IL20: variants seen among roughly 807,000 people sequenced by gnomAD.
IL20 encodes interleukin-20.
A neutral mutation model predicts 19.2 loss-of-function variants in IL20; 22 were observed. The ratio of observed to expected loss-of-function variants is 1.15; its 90% CI spans 0.82 to 1.64. IL20 has a LOEUF of 1.64. IL20 is among the 40% of genes most tolerant of loss of function. The probability of loss-of-function intolerance (pLI) is 0.00; values close to 1 mark genes in which losing one functional copy is unlikely to be tolerated. For synonymous variants in IL20, 70 were observed against 76.2 expected (o/e 0.92, Z 0.43); for missense variants, 215 against 212.8 (o/e 1.01, Z -0.06).
At chr1:206,865,554 C>T (rs1228314437), upstream of IL20, 10 of 1,170,272 alleles carry the variant, frequency 8.5e-6, no homozygotes, top group Non-Finnish European at 1.1e-5. This position sits in a 1 kb window ranked among gnomAD's most constrained non-coding sequence, Gnocchi z 4.1. Flanking sequence ...CAGGCCTTAC[C>T]TGCTGGGCAC....
At chr1:206,864,560 C>T (rs1677495291), upstream of IL20, among the ~76,000 whole-genome samples, 2 of 151,696 alleles carry the variant, frequency 1.3e-5, no homozygotes, top group African/African-American at 4.8e-5. Context: ...TATTTCTGCC[C>T]CAAACAAAAT....
upstream of IL20, among the ~76,000 whole-genome samples, chr1:206,864,392 T>C (rs1572587906): frequency 2.0e-5 from 3 of 152,132 alleles, no homozygotes; most frequent in African/African-American, 7.2e-5. Flanking sequence ...GCCATATATA[T>C]ATGGATGTGT....
At chr1:206,867,560 G>C (rs142812526) in intron 5 of IL20, 102 bp downstream of exon 5, 1 of 968,836 alleles carries the variant, frequency 1.0e-6, no homozygotes, top group Non-Finnish European at 1.6e-6. Flanking sequence ...GTAGCCTTCA[G>C]GTTCATAGCC....
intron 4 of IL20, 114 bp from the exon 5 acceptor site, chr1:206,867,270 G>T: frequency 1.2e-6 from 1 of 832,754 alleles, no homozygotes. Context: ...CTTTTCTATA[G>T]GAATAAGCAT....
rs1455594149 is a variant in IL20, at chr1:206,869,013, C to G, written c.*449C>G. The stretch of plus-strand genomic sequence containing the variant: ...TTGTATTCAACTAAGGACATATTTA[C>G]TCATGCTGATGCTCTGTGAGATATT... On this transcript the variant is annotated 3_prime_UTR_variant, in exon 6 of 6. Coordinates refer to ENST00000367098, the MANE Select transcript of IL20 (RefSeq NM_018724.4). 1 of 151,292 alleles carries G rather than the reference C, an allele frequency of 6.6e-6. No homozygotes were observed. The highest frequency in any genetic ancestry group is 2.1e-4 in the South Asian group (1 of 4,788). The allele number at this position is 151,292 out of a possible 1,614,324, so 9.4% of individuals were successfully genotyped here. A position where few individuals can be genotyped will look rare whatever the true frequency, so the allele number is the denominator to read the frequency against.
Position 206,865,738 on chromosome 1 carries a change from T to C in IL20, c.-31+52T>C, listed in dbSNP as rs1677525405. The C allele has an allele frequency of 8.7e-6, 13 of 1,486,914 alleles. No individual in the cohort carries two copies. The highest frequency in any genetic ancestry group is 4.6e-5 in the Admixed American group (2 of 43,326). 92.1% of individuals were successfully genotyped at this position (1,486,914 alleles called of 1,614,324 possible). A position where few individuals can be genotyped will look rare whatever the true frequency, so the allele number is the denominator to read the frequency against. On this transcript the variant is annotated intron_variant, in intron 1 of 5. Coordinates refer to ENST00000367098, the MANE Select transcript of IL20 (RefSeq NM_018724.4). This position sits in a 1 kb window ranked among gnomAD's most constrained non-coding sequence, Gnocchi z 4.1. ...TCTGAGGCCAGATAAGGCTGTTCTCTTCCCCTGACCCCCCACCCCTCACCC... is the reference window on the plus strand; with the variant it reads ...TCTGAGGCCAGATAAGGCTGTTCTCCTCCCCTGACCCCCCACCCCTCACCC...
Position 206,866,071 on chromosome 1 carries a change from C to A in IL20, c.159+60C>A. On this transcript the variant is annotated intron_variant, in intron 2 of 5. Transcript: ENST00000367098. ...TTTTCTCTTCCTTCCTTGTCCGTTT[C>A]TCTTTCCTGGCAGTACTGGCAGTGT... is the stretch of plus-strand genomic sequence containing the variant. The A allele has an allele frequency of 2.0e-6, 3 of 1,527,418 alleles. No individual in the cohort carries two copies. In the South Asian group the frequency reaches 3.4e-5, roughly 17 times the overall value. 94.6% of individuals were successfully genotyped at this position (1,527,418 alleles called of 1,614,324 possible).
In IL20 at chr1:206,865,887, C is replaced by T; in HGVS notation, c.35C>T (p.Ser12Phe). The T allele has an allele frequency of 6.2e-7, 1 of 1,614,114 alleles. No individual in the cohort carries two copies. Among genetic ancestry groups the T allele is most frequent in the Non-Finnish European group, 8.5e-7 (1 of 1,179,978 alleles). The change falls in exon 2 of 6, where the codon TCT (serine) becomes TTT (phenylalanine). Residue 12 changes from serine to phenylalanine, a missense_variant. Coordinates refer to ENST00000367098, the MANE Select transcript of IL20 (RefSeq NM_018724.4). This position sits in a 1 kb window ranked among gnomAD's most constrained non-coding sequence, Gnocchi z 4.1. ...TCTAGTCTTGCCTTCAGCCTTCTCTCTGCTGCGTTTTATCTCCTATGGACT... is the reference window on the plus strand; with the variant it reads ...TCTAGTCTTGCCTTCAGCCTTCTCTTTGCTGCGTTTTATCTCCTATGGACT... ...KASSLAFSLL[S>F]AAFYLLWTPS... is the part of the protein sequence containing the mutation.
chr1:206,869,014 T>C lies in IL20; in HGVS notation c.*450T>C, dbSNP rs1361847218. On this transcript the variant is annotated 3_prime_UTR_variant, in exon 6 of 6. Transcript: ENST00000367098. Reference sequence around the variant, plus strand: ...TGTATTCAACTAAGGACATATTTACTCATGCTGATGCTCTGTGAGATATTT... The same window carrying C: ...TGTATTCAACTAAGGACATATTTACCCATGCTGATGCTCTGTGAGATATTT... 2.6e-5 allele frequency: 4 copies of C among 152,138 alleles called. No individual in the cohort carries two copies. The highest frequency in any genetic ancestry group is 5.9e-5 in the Non-Finnish European group (4 of 68,018). 9.4% of individuals were successfully genotyped at this position (152,138 alleles called of 1,614,324 possible). A position where few individuals can be genotyped will look rare whatever the true frequency, so the allele number is the denominator to read the frequency against.
Position 206,866,348 on chromosome 1 carries a change from C to A in IL20, c.209C>A (p.Ser70Tyr). ...IDIRILRRTE[S>Y]LQDTKPANRC... ...ATCAGAATCTTAAGGAGGACTGAGT[C>A]TTTGCAAGACACAAAGGTATGTGCT... The change falls in exon 3 of 6, where the codon TCT (serine) becomes TAT (tyrosine). Residue 70 changes from serine (S) to tyrosine (Y), a missense_variant. By Grantham distance (144) the Ser-to-Tyr change is moderately radical. Transcript: ENST00000367098. 6.2e-7 allele frequency: 1 copy of A among 1,614,076 alleles called. No individual in the cohort carries two copies. Among genetic ancestry groups the A allele is most frequent in the Non-Finnish European group, 8.5e-7 (1 of 1,179,962 alleles).
chr1:206,865,378 A>G (rs1316831440), upstream of IL20: 26 of 427,774 alleles, frequency 6.1e-5, no homozygotes, highest in Non-Finnish European at 7.8e-5. The surrounding 1 kb of genome is among the most constrained non-coding windows in gnomAD (Gnocchi z 4.1). Context: ...AGCTTCTGTG[A>G]GATTCGATTT....
rs1558631080 is a variant in IL20 at position 206,865,826 on chromosome 1, C to T, written c.-27C>T. On this transcript the variant is annotated 5_prime_UTR_variant, in exon 2 of 6. Transcript: ENST00000367098. The surrounding 1 kb of genome is among the most constrained non-coding windows in gnomAD (Gnocchi z 4.1). ...GCTCTCTTCTTTGAATTCCTAGCTC[C>T]TGTGGTCTCCAGATTTCAGGCCTAA... 1.2e-6 allele frequency: 2 copies of T among 1,612,868 alleles called. No homozygotes were observed. The highest frequency in any genetic ancestry group is 1.7e-6 in the Non-Finnish European group (2 of 1,179,322).
intron 5 of IL20, 82 bp downstream of exon 5, chr1:206,867,540 T>C (rs995731712): frequency 2.8e-5 from 32 of 1,162,272 alleles, no homozygotes; most frequent in Non-Finnish European, 3.9e-5. Flanking sequence ...TATTCACTGT[T>C]AGACATCCTG....
At chr1:206,863,808 C>T (rs889716198), upstream of IL20, among the ~76,000 whole-genome samples, 12 of 152,208 alleles carry the variant, frequency 7.9e-5, no homozygotes, top group African/African-American at 2.9e-4. Flanking sequence ...AGCGGGTGCT[C>T]ATTAAATGCT....
At chr1:206,864,964 G>T (rs191273533), upstream of IL20, among the ~76,000 whole-genome samples, 7 of 152,092 alleles carry the variant, frequency 4.6e-5, no homozygotes. Flanking sequence ...TACTGAGGAG[G>T]CTCGCCCAAG....
At chr1:206,868,463 C>G in intron 5 of IL20, 24 bp from the exon 6 acceptor site, 1 of 1,565,156 alleles carries the variant, frequency 6.4e-7, no homozygotes, top group Non-Finnish European at 8.7e-7. Context: ...AATTGCTAAC[C>G]ACATGGGTGT....
At position 206,866,004 on chromosome 1, in the gene IL20, G is replaced by A. The variant is rs777605476; in HGVS notation, c.152G>A (p.Gly51Asp). Residue 51 changes from glycine (G) to aspartate (D), a missense_variant, in exon 2 of 6, where the codon GGC (glycine) becomes GAC (aspartate). By Grantham distance (94) the Gly-to-Asp change is moderately conservative. Coordinates refer to ENST00000367098, the MANE Select transcript of IL20 (RefSeq NM_018724.4). ...EIRNGFSEIR[G>D]SVQAKDGNID... ...CGAAATGGATTTTCTGAGATACGGGGCAGTGTGGTACGTAAGCGGGTATCT... is the reference window on the plus strand; with the variant it reads ...CGAAATGGATTTTCTGAGATACGGGACAGTGTGGTACGTAAGCGGGTATCT... 1.0e-4 allele frequency: 161 copies of A among 1,613,866 alleles called. No individual in the cohort carries two copies. Among genetic ancestry groups the A allele is most frequent in the Non-Finnish European group, 1.3e-4 (158 of 1,179,872 alleles).
Position 206,867,464 on chromosome 1 carries a change from T to G in IL20, c.453+6T>G, listed in dbSNP as rs1677587683. On this transcript the variant is annotated splice_donor_region_variant and intron_variant, in intron 5 of 5. Coordinates refer to ENST00000367098, the MANE Select transcript of IL20 (RefSeq NM_018724.4). ...TTCTGAGTCACTTTGAAAAGGTATA[T>G]GCGACTTTGGCATTGATTGGGATGG... 1 of 1,611,886 alleles carries G rather than the reference T, an allele frequency of 6.2e-7. No homozygotes were observed. Among genetic ancestry groups the G allele is most frequent in the Admixed American group, 1.7e-5 (1 of 60,014 alleles).
chr1:206,867,662 A>G (rs1677597275), intron 5 of IL20, among the ~76,000 whole-genome samples: 1 of 152,172 alleles, frequency 6.6e-6, no homozygotes, highest in African/African-American at 2.4e-5. Flanking sequence ...TGCTCTGGAA[A>G]TGGAAAGGGA....
Sources: gnomAD v4.1 joint callset for allele counts (sites outside exome capture counted in the v4.1 genomes callset) on GRCh38, gnomAD v4.1.1 for gene constraint, Gnocchi (gnomAD v3.1) non-coding constraint, MANE v1.5 for transcripts, NCBI Gene and HGNC (gene_info 2026-07-23, HGNC 2026-07-21) for gene names.